The following CDHR3 variants were observed in gnomAD, a reference collection of about 807,000 sequenced individuals.
CDHR3 encodes the protein cadherin-related family member 3.
In CDHR3, 79 loss-of-function variants were observed where a neutral mutation model predicts 86.6. The observed-to-expected ratio is 0.91, with a 90% CI of 0.76 to 1.10. CDHR3 has a LOEUF of 1.10. Ranked by LOEUF, CDHR3 falls within the 50% of genes least tolerant of loss-of-function variation. The pLI, the probability that CDHR3 is intolerant of heterozygous loss-of-function variation, is 0.00. For missense variants in CDHR3, 1,081 were observed against 1,077.6 expected, an observed-to-expected ratio of 1.00 and a Z score of -0.04; for synonymous variants, 421 against 402.4, an observed-to-expected ratio of 1.05 and a Z score of -0.55.
At chr7:105,980,852 T>C in intron 2 of CDHR3, 116 bp from the exon 3 acceptor site, 1 of 940,974 alleles carries the variant, frequency 1.1e-6, no homozygotes, top group Non-Finnish European at 1.6e-6. Flanking sequence ...AGTGAATGAA[T>C]GCTGGTTTCC....
intron 4 of CDHR3, 123 bp from the exon 5 acceptor site, chr7:105,994,628 A>G (rs1268578048): frequency 4.2e-6 from 3 of 714,168 alleles, no homozygotes; most frequent in Non-Finnish European, 7.5e-6. Context: ...TTTGAACCGC[A>G]TCCTGATGCA....
chr7:106,028,727 G>A, intron 17 of CDHR3, 145 bp downstream of exon 17: 1 of 781,146 alleles, frequency 1.3e-6, no homozygotes, highest in Admixed American at 2.7e-5. Context: ...ACAGATTGCT[G>A]TGTGACGAGC....
rs370868886 is a variant in CDHR3, at chr7:105,983,770, T to C, written c.416-422T>C. Among the ~76,000 whole-genome samples, 5 of 152,314 alleles carry C rather than the reference T, an allele frequency of 3.3e-5. No homozygotes were observed. The South Asian group carries it at 6.2e-4, about 19-fold the overall frequency. ...TTTCAACGGCTCATTTCTGCGGAGT[T>C]GCCAAGTGTCCTTCAAGGGGTAACA... On this transcript the variant is annotated intron_variant, in intron 3 of 18. Coordinates refer to ENST00000317716, the MANE Select transcript of CDHR3 (RefSeq NM_152750.5).
At position 106,032,576 on chromosome 7, in the gene CDHR3, A is replaced by G. The variant is rs762229965; in HGVS notation, c.2537A>G (p.Lys846Arg). The G allele has an allele frequency of 6.2e-7, 1 of 1,614,018 alleles. No individual in the cohort carries two copies. Among genetic ancestry groups the G allele is most frequent in the South Asian group, 1.1e-5 (1 of 91,074 alleles). ...TGGGAAGAAGATGAGCTGAGTGGCA[A>G]AGCGTGGGCTGAGGATGCTGGTCTG... ...ANWEEDELSGKAWAEDAGLGS... is the reference protein window; with the variant it reads ...ANWEEDELSGRAWAEDAGLGS... The change falls in exon 19 of 19, where the codon AAA (lysine) becomes AGA (arginine). Residue 846 changes from lysine to arginine, a missense_variant. Lys to Arg is a conservative substitution (Grantham distance 26, BLOSUM62 2). Coordinates refer to ENST00000317716, the MANE Select transcript of CDHR3 (RefSeq NM_152750.5).
intron 6 of CDHR3, among the ~76,000 whole-genome samples, chr7:105,999,592 G>T (rs1171961695): frequency 6.6e-6 from 1 of 152,196 alleles, no homozygotes; most frequent in Admixed American, 6.5e-5. Context: ...CGGCCCCCCA[G>T]CTGAGAACCA....
At chr7:105,995,929 C>T (rs990063972) in intron 5 of CDHR3, among the ~76,000 whole-genome samples, 1 of 152,094 alleles carries the variant, frequency 6.6e-6, no homozygotes, top group Non-Finnish European at 1.5e-5. Context: ...CTCACTCCCT[C>T]CAGTGGGAGT....
intron 2 of CDHR3, among the ~76,000 whole-genome samples, chr7:105,979,408 TCAC>T (rs1042302392): frequency 2.0e-5 from 3 of 152,154 alleles, no homozygotes; most frequent in African/African-American, 4.8e-5. Context: ...CCCTCTCCTT[TCAC>T]CACAAGTACT....
intron 16 of CDHR3, chr7:106,027,686 A>G: frequency 4.4e-6 from 2 of 453,502 alleles, no homozygotes; most frequent in Non-Finnish European, 4.4e-6. Flanking sequence ...TGCTTTAATC[A>G]CTCCATCTAC....
chr7:105,986,648 C>T (rs1401916725), intron 4 of CDHR3, among the ~76,000 whole-genome samples: 10 of 151,930 alleles, frequency 6.6e-5, no homozygotes, highest in African/African-American at 1.2e-4. Context: ...CGTGTAGAAT[C>T]GTAACTGGAC....
chr7:106,027,703 G>A, intron 16 of CDHR3: 1 of 451,226 alleles, frequency 2.2e-6, no homozygotes, highest in Non-Finnish European at 4.4e-6. Flanking sequence ...CTACAGGCAT[G>A]TGTCTGACAT....
intron 6 of CDHR3, among the ~76,000 whole-genome samples, chr7:105,999,429 G>A (rs542299027): frequency 4.6e-5 from 7 of 152,302 alleles, no homozygotes; most frequent in Non-Finnish European, 7.4e-5. Flanking sequence ...CTTAAACAGC[G>A]GAACTGCTGG....
intron 4 of CDHR3, among the ~76,000 whole-genome samples, chr7:105,986,512 A>G (rs181336422): frequency 7.2e-5 from 11 of 152,362 alleles, no homozygotes; most frequent in South Asian, 4.1e-4. Flanking sequence ...ATTAACAAGA[A>G]GAGTAAATTA....
chr7:105,992,220 T>G (rs369997075), intron 4 of CDHR3, among the ~76,000 whole-genome samples: 110 of 152,308 alleles, frequency 7.2e-4, no homozygotes, highest in African/African-American at 2.6e-3. Context: ...GAGATCCAGC[T>G]CCTAGAGCAT....
intron 14 of CDHR3, 32 bp downstream of exon 14, chr7:106,022,480 A>T (rs376590501): frequency 6.2e-7 from 1 of 1,604,490 alleles, no homozygotes; most frequent in East Asian, 2.2e-5. Context: ...ATCCCCAGGC[A>T]CATTCCCTTG....
intron 3 of CDHR3, among the ~76,000 whole-genome samples, chr7:105,982,835 T>C (rs1405091888): frequency 2.0e-5 from 3 of 151,638 alleles, no homozygotes; most frequent in African/African-American, 7.3e-5. Flanking sequence ...ATACCAATAT[T>C]AGCCAGATGT....
intron 17 of CDHR3, among the ~76,000 whole-genome samples, 151 bp downstream of exon 17, chr7:106,028,733 C>T (rs1251428171): frequency 1.3e-5 from 2 of 152,126 alleles, no homozygotes; most frequent in African/African-American, 4.8e-5. Context: ...TGCTGTGTGA[C>T]GAGCTCCTGA....
At position 105,963,272 on chromosome 7, in the gene CDHR3, G is replaced by C; in HGVS notation, c.-47G>C. 4 of 1,599,600 alleles carry C rather than the reference G, an allele frequency of 2.5e-6. No individual in the cohort carries two copies. Among genetic ancestry groups the C allele is most frequent in the Non-Finnish European group, 3.4e-6 (4 of 1,167,292 alleles). ...AACTTTGGGTGTGAGACGGGATTCA[G>C]GCTGTGGCTAATGTGCTGGAAGCAC... is the stretch of plus-strand genomic sequence containing the variant. On this transcript the variant is annotated 5_prime_UTR_variant, in exon 1 of 19. Coordinates refer to ENST00000317716, the MANE Select transcript of CDHR3 (RefSeq NM_152750.5).
chr7:105,993,677 CAAAAAAAAAAAAAAAAA>C (rs55787798), intron 4 of CDHR3, among the ~76,000 whole-genome samples: 2 of 91,784 alleles, frequency 2.2e-5, no homozygotes, highest in South Asian at 5.5e-4. Flanking sequence ...CTCTGTCTCA[CAAAAAAAAAAAAAAAAA>C]AAAAAAAAAA....
intron 4 of CDHR3, among the ~76,000 whole-genome samples, chr7:105,991,131 G>C (rs1379857081): frequency 1.3e-5 from 2 of 152,314 alleles, no homozygotes; most frequent in South Asian, 2.1e-4. Context: ...GCAGAGAGGG[G>C]CTGCAGTTGC....
Sources: gnomAD v4.1 joint callset for allele counts (sites outside exome capture counted in the v4.1 genomes callset) on GRCh38, gnomAD v4.1.1 for gene constraint, MANE v1.5 for transcripts, NCBI Gene and HGNC (gene_info 2026-07-23, HGNC 2026-07-21) for gene names.